Variants in THADA observed in about 807,000 individuals in gnomAD.
THADA encodes the protein THADA armadillo repeat containing.
A neutral mutation model predicts 219.8 loss-of-function variants in THADA; 213 were observed. That is an observed-to-expected ratio of 0.97 (90% CI 0.87 to 1.09). The LOEUF is 1.09. Ranked by LOEUF, THADA falls within the 50% of genes least tolerant of loss-of-function variation. The pLI is 0.00. For synonymous variants in THADA, 1,018 were observed against 828.9 expected, an observed-to-expected ratio of 1.23 and a Z score of -3.92; for missense variants, 2,956 against 2,311.3, an observed-to-expected ratio of 1.28 and a Z score of -5.72.
rs13004286 is a variant in THADA, at chr2:43,515,282, A to T, written c.3375-6502T>A. Among the ~76,000 whole-genome samples the T allele has an allele frequency of 9.0e-3, 123 of 13,712 alleles. 4 individuals carry two copies. The highest frequency in any genetic ancestry group is 0.011 in the Non-Finnish European group (90 of 8,238). 9.0% of individuals were successfully genotyped at this position (13,712 alleles called of 152,430 possible). ...ATATATAATATATAATATATAATAT[A>T]TTATATATAATATATAATATGTAAT... On this transcript the variant is annotated intron_variant, in intron 22 of 37. Transcript: ENST00000405975.
intron 17 of THADA, among the ~76,000 whole-genome samples, chr2:43,553,046 C>A (rs1696935929): frequency 6.6e-6 from 1 of 152,218 alleles, no homozygotes; most frequent in African/African-American, 2.4e-5. Context: ...AAAGTTCATC[C>A]ATGCTGCAGC....
At chr2:43,460,474 A>T (rs1028966382) in intron 26 of THADA, among the ~76,000 whole-genome samples, 2 of 152,132 alleles carry the variant, frequency 1.3e-5, no homozygotes, top group African/African-American at 4.8e-5. Context: ...CCAAAAAATA[A>T]ACCTGGTACA....
At chr2:43,269,161 C>T (rs148251030) in intron 36 of THADA, among the ~76,000 whole-genome samples, 2 of 152,304 alleles carry the variant, frequency 1.3e-5, no homozygotes, top group East Asian at 3.9e-4. Flanking sequence ...CCAGGCTTGC[C>T]CTGACTAACA....
At chr2:43,413,875 A>G (rs1029134872) in intron 28 of THADA, among the ~76,000 whole-genome samples, 2 of 152,188 alleles carry the variant, frequency 1.3e-5, no homozygotes, top group Non-Finnish European at 2.9e-5. Context: ...GCCCACCCAT[A>G]TTGTACAGTT....
intron 35 of THADA, 25 bp from the exon 36 acceptor site, chr2:43,279,921 AT>A: frequency 6.7e-7 from 1 of 1,488,090 alleles, no homozygotes. Flanking sequence ...AGGAATCTGA[AT>A]TACCTAGAAT....
intron 1 of THADA, among the ~76,000 whole-genome samples, chr2:43,594,477 C>T (rs1574415350): frequency 6.6e-6 from 1 of 151,848 alleles, no homozygotes; most frequent in South Asian, 2.1e-4. Context: ...CCAGCTACTC[C>T]GGAGGCTGAG....
chr2:43,361,745 T>A (rs1411878033), intron 29 of THADA, among the ~76,000 whole-genome samples: 1 of 152,256 alleles, frequency 6.6e-6, no homozygotes, highest in South Asian at 2.1e-4. Context: ...GGATAAATTA[T>A]GATTATCCCT....
At position 43,516,983 on chromosome 2, in the gene THADA, C is replaced by T. The variant is rs531794750; in HGVS notation, c.3375-8203G>A. On this transcript the variant is annotated intron_variant, in intron 22 of 37. Transcript: ENST00000405975. The stretch of plus-strand genomic sequence containing the variant: ...AATACAATTTTTAAGATATTAACTT[C>T]CTGATCATGTTTTATTCAGGTTACT... Among the ~76,000 whole-genome samples the T allele has an allele frequency of 4.6e-5, 7 of 152,238 alleles. No individual in the cohort carries two copies. The East Asian group carries it at 1.4e-3, about 29-fold the overall frequency.
chr2:43,354,260 TTTA>T (rs774613592), intron 29 of THADA, among the ~76,000 whole-genome samples: 2 of 151,994 alleles, frequency 1.3e-5, no homozygotes, highest in African/African-American at 2.4e-5. Flanking sequence ...CTGGCTACAT[TTTA>T]TTTTTTATGG....
In THADA at chr2:43,573,034, G is replaced by C. The variant is rs58248206; in HGVS notation, c.1730-42C>G. The C allele has an allele frequency of 1.7e-3, 2,562 of 1,479,154 alleles. 43 individuals carry two copies. In the African/African-American group the frequency reaches 0.033, roughly 19 times the overall value. 91.6% of individuals were successfully genotyped at this position (1,479,154 alleles called of 1,614,324 possible). Reference sequence around the variant, plus strand: ...AAAGACCATTACTGTATTATGCAATGACTACTATAATTATCAGCTGCTAAT... The same window carrying C: ...AAAGACCATTACTGTATTATGCAATCACTACTATAATTATCAGCTGCTAAT... On this transcript the variant is annotated intron_variant, in intron 11 of 37. Coordinates refer to ENST00000405975, the MANE Select transcript of THADA (RefSeq NM_022065.5).
chr2:43,297,183 G>A (rs1446649231), intron 31 of THADA, among the ~76,000 whole-genome samples: 1 of 94,246 alleles, frequency 1.1e-5, no homozygotes, highest in Non-Finnish European at 2.1e-5. Flanking sequence ...GAGCGCCTCT[G>A]CCCCGCCGCC....
intron 30 of THADA, among the ~76,000 whole-genome samples, chr2:43,326,711 A>C (rs924014114): frequency 3.9e-5 from 6 of 152,172 alleles, no homozygotes; most frequent in African/African-American, 1.4e-4. Flanking sequence ...TCAGAGCTCT[A>C]AAAGTTCCAA....
chr2:43,397,228 T>A (rs1458257849), intron 29 of THADA, among the ~76,000 whole-genome samples: 2 of 152,126 alleles, frequency 1.3e-5, no homozygotes, highest in Non-Finnish European at 2.9e-5. Flanking sequence ...AGGCCATCTC[T>A]CAACTCTGTT....
At chr2:43,421,885 T>TC (rs1283530143) in intron 28 of THADA, among the ~76,000 whole-genome samples, 1 of 152,218 alleles carries the variant, frequency 6.6e-6, no homozygotes, top group Admixed American at 6.5e-5. Context: ...AAGAATGGCA[T>TC]CCCAACTTCT....
At chr2:43,448,761 C>T (rs879353938) in intron 26 of THADA, among the ~76,000 whole-genome samples, 1 of 151,810 alleles carries the variant, frequency 6.6e-6, no homozygotes, top group Non-Finnish European at 1.5e-5. Flanking sequence ...CAGGCAGACC[C>T]CCTGACACAG....
intron 31 of THADA, among the ~76,000 whole-genome samples, chr2:43,306,801 G>T (rs1238211453): frequency 6.6e-6 from 1 of 152,240 alleles, no homozygotes; most frequent in African/African-American, 2.4e-5. Flanking sequence ...ATGGAAATGA[G>T]CCTGGGAGTC....
At chr2:43,353,432 G>C (rs1383714906) in intron 29 of THADA, among the ~76,000 whole-genome samples, 1 of 152,140 alleles carries the variant, frequency 6.6e-6, no homozygotes, top group African/African-American at 2.4e-5. Context: ...CAAATGATTA[G>C]TGATGTTGAG....
intron 30 of THADA, among the ~76,000 whole-genome samples, chr2:43,331,197 C>T (rs999639755): frequency 3.9e-5 from 6 of 152,170 alleles, no homozygotes; most frequent in Admixed American, 3.9e-4. Flanking sequence ...CTCTAAATTC[C>T]CTTTACTGTT....
At chr2:43,469,994 T>C (rs1684711558) in intron 26 of THADA, among the ~76,000 whole-genome samples, 3 of 152,070 alleles carry the variant, frequency 2.0e-5, no homozygotes, top group Admixed American at 2.0e-4. Flanking sequence ...GCAGATCACT[T>C]GAGCTCAGGA....
Sources: gnomAD v4.1 joint callset for allele counts (sites outside exome capture counted in the v4.1 genomes callset) on GRCh38, gnomAD v4.1.1 for gene constraint, MANE v1.5 for transcripts, NCBI Gene and HGNC (gene_info 2026-07-23, HGNC 2026-07-21) for gene names.